Variants in PIK3C3 observed in about 807,000 individuals in gnomAD.
The protein encoded by PIK3C3 is PI3-kinase type 3.
PIK3C3 carries 95 observed loss-of-function variants against 126.1 expected under a neutral mutation model. That is an observed-to-expected ratio of 0.75 (90% CI 0.64 to 0.89). The LOEUF is 0.89. Ranked by LOEUF, PIK3C3 falls within the 40% of genes least tolerant of loss-of-function variation. PIK3C3 has a pLI of 0.00. For missense variants in PIK3C3, 829 were observed against 1,063.2 expected (o/e 0.78, Z 3.06); for synonymous variants, 374 against 360.0 (o/e 1.04, Z -0.44).
intron 4 of PIK3C3, among the ~76,000 whole-genome samples, chr18:41,975,477 T>G (rs1980871706): frequency 6.6e-6 from 1 of 152,176 alleles, no homozygotes; most frequent in African/African-American, 2.4e-5. Context: ...AAAGTTCTAC[T>G]GACAGCATTG....
At chr18:42,004,671 G>A in intron 10 of PIK3C3, 130 bp downstream of exon 10, 1 of 688,484 alleles carries the variant, frequency 1.5e-6, no homozygotes, top group East Asian at 3.0e-5. Flanking sequence ...TTTTTAGAAG[G>A]GAAGAGGATA....
intron 11 of PIK3C3, among the ~76,000 whole-genome samples, chr18:42,013,886 A>T (rs1333050607): frequency 6.6e-6 from 1 of 152,194 alleles, no homozygotes; most frequent in Non-Finnish European, 1.5e-5. Flanking sequence ...GTTTCTTAAG[A>T]GTGGTGATAG....
At chr18:41,983,619 CTG>C (rs1981317122) in intron 4 of PIK3C3, among the ~76,000 whole-genome samples, 3 of 152,280 alleles carry the variant, frequency 2.0e-5, no homozygotes, top group South Asian at 2.1e-4. Flanking sequence ...GAGCAATGAA[CTG>C]TGAGTTCTAA....
chr18:41,981,117 G>A (rs1033069374), intron 4 of PIK3C3, among the ~76,000 whole-genome samples: 4 of 151,838 alleles, frequency 2.6e-5, no homozygotes, highest in East Asian at 1.9e-4. Context: ...ATTCTGTGTC[G>A]CCATTGAATT....
chr18:42,045,516 C>T (rs923978437), intron 20 of PIK3C3, among the ~76,000 whole-genome samples: 2 of 152,206 alleles, frequency 1.3e-5, no homozygotes, highest in African/African-American at 4.8e-5. Context: ...ATCACCTACA[C>T]ATGACCTGTC....
chr18:42,076,702 A>G (rs963241365), intron 24 of PIK3C3, among the ~76,000 whole-genome samples: 3 of 152,186 alleles, frequency 2.0e-5, no homozygotes, highest in Admixed American at 1.3e-4. Context: ...ATGCCCCATA[A>G]TTTTCAGCCC....
intron 17 of PIK3C3, 26 bp downstream of exon 17, chr18:42,037,846 G>T: frequency 6.3e-7 from 1 of 1,584,648 alleles, no homozygotes; most frequent in South Asian, 1.1e-5. Flanking sequence ...TGTTGGTGGG[G>T]AACATTTTTT....
chr18:41,975,289 T>C (rs1980859224), intron 4 of PIK3C3, among the ~76,000 whole-genome samples: 1 of 152,218 alleles, frequency 6.6e-6, no homozygotes, highest in Admixed American at 6.5e-5. Flanking sequence ...AGCTGCAGTG[T>C]CTAATATCAG....
At chr18:42,049,478 G>A (rs1040046062) in intron 20 of PIK3C3, 53 bp from the exon 21 acceptor site, 18 of 1,346,352 alleles carry the variant, frequency 1.3e-5, no homozygotes, top group Non-Finnish European at 1.7e-5. Flanking sequence ...TCAGTAGAAT[G>A]TATAACCTGG....
At position 41,957,583 on chromosome 18, in the gene PIK3C3, G is replaced by A. The variant is rs756438946; in HGVS notation, c.82G>A (p.Gly28Arg). Residue 28 changes from glycine (G) to arginine (R), a missense_variant, in exon 2 of 25, where the codon GGG (glycine) becomes AGG (arginine). Gly to Arg is a moderately radical substitution (Grantham distance 125). Transcript: ENST00000262039. ...TTGTGCTTTCAGAGGAAGCTTGGAA[G>A]GGAAGAGAGAACAAAAGAGTTATAA... ...NVQLKIGSLEGKREQKSYKAV... is the reference protein window; with the variant it reads ...NVQLKIGSLERKREQKSYKAV... The A allele has an allele frequency of 1.9e-6, 3 of 1,607,882 alleles. No homozygotes were observed. The highest frequency in any genetic ancestry group is 1.7e-6 in the Non-Finnish European group (2 of 1,178,428).
At chr18:42,077,517 C>T (rs185366167) in intron 24 of PIK3C3, among the ~76,000 whole-genome samples, 19 of 152,338 alleles carry the variant, frequency 1.2e-4, no homozygotes, top group African/African-American at 4.6e-4. Context: ...TTGATTCCAT[C>T]TCAAGAAACC....
chr18:42,087,129 A>G lies in PIK3C3; in HGVS notation c.*5992A>G, dbSNP rs1364893740. ...CCCTGGGGTTCATTGTTATAGGAGA[A>G]TTTAGGACACAGACACACGAGGAGT... On this transcript the variant is annotated 3_prime_UTR_variant, in exon 25 of 25. Coordinates refer to ENST00000262039, the MANE Select transcript of PIK3C3 (RefSeq NM_002647.4). 1 of 152,204 alleles carries G rather than the reference A, an allele frequency of 6.6e-6. No individual in the cohort carries two copies. Among genetic ancestry groups the G allele is most frequent in the Non-Finnish European group, 1.5e-5 (1 of 68,072 alleles). The allele number at this position is 152,204 out of a possible 1,614,324, so 9.4% of individuals were successfully genotyped here.
At chr18:42,027,735 G>A (rs796274883) in intron 14 of PIK3C3, among the ~76,000 whole-genome samples, 187 bp downstream of exon 14, 1 of 152,066 alleles carries the variant, frequency 6.6e-6, no homozygotes, top group South Asian at 2.1e-4. Context: ...GCTCACTGCA[G>A]CCTCTGCCTC....
At chr18:42,040,825 GAA>G (rs1984280667) in intron 19 of PIK3C3, 84 bp downstream of exon 19, 1 of 867,768 alleles carries the variant, frequency 1.2e-6, no homozygotes, top group African/African-American at 1.7e-5. Flanking sequence ...AGTTAAAAAT[GAA>G]AGTCTCCTTT....
chr18:42,076,201 T>TAC (rs1421873212), intron 24 of PIK3C3, among the ~76,000 whole-genome samples: 2 of 144,010 alleles, frequency 1.4e-5, no homozygotes, highest in African/African-American at 5.2e-5. Context: ...TGCACACATA[T>TAC]ATATATGCAC....
At chr18:42,019,957 C>T (rs370142309) in intron 12 of PIK3C3, among the ~76,000 whole-genome samples, 62 of 152,188 alleles carry the variant, frequency 4.1e-4, no homozygotes, top group Middle Eastern at 6.8e-3. Flanking sequence ...AATTATACTT[C>T]CAAGATATTT....
chr18:41,968,300 A>G (rs11876547), intron 3 of PIK3C3, among the ~76,000 whole-genome samples: 1 of 152,176 alleles, frequency 6.6e-6, no homozygotes, highest in East Asian at 1.9e-4. Flanking sequence ...AAGTGATATT[A>G]TCATCTCACT....
chr18:42,000,003 G>A (rs528882385), intron 9 of PIK3C3, among the ~76,000 whole-genome samples: 33 of 152,140 alleles, frequency 2.2e-4, no homozygotes, highest in African/African-American at 7.2e-4. Flanking sequence ...TTTTACTGGC[G>A]ACAAGAAACG....
chr18:42,077,549 G>A (rs1986077446), intron 24 of PIK3C3, among the ~76,000 whole-genome samples: 2 of 152,184 alleles, frequency 1.3e-5, no homozygotes, highest in Admixed American at 1.3e-4. Context: ...CCAGAAGGAG[G>A]AACTCCTCAT....
Sources: gnomAD v4.1 joint callset for allele counts (sites outside exome capture counted in the v4.1 genomes callset) on GRCh38, gnomAD v4.1.1 for gene constraint, MANE v1.5 for transcripts, NCBI Gene and HGNC (gene_info 2026-07-23, HGNC 2026-07-21) for gene names.